Variants in SLC4A4 observed in about 807,000 individuals in gnomAD.
The protein encoded by SLC4A4 is electrogenic sodium bicarbonate cotransporter 1.
SLC4A4 carries 27 observed loss-of-function variants against 111.5 expected under a neutral mutation model. The ratio of observed to expected loss-of-function variants is 0.24; its 90% CI spans 0.18 to 0.33. The LOEUF is 0.33. Ranked by LOEUF, SLC4A4 falls within the 10% of genes least tolerant of loss-of-function variation. The pLI, the probability that SLC4A4 is intolerant of heterozygous loss-of-function variation, is 1.00. For synonymous variants in SLC4A4, 443 were observed against 463.4 expected (o/e 0.96, Z 0.57); for missense variants, 909 against 1,315.5 (o/e 0.69, Z 4.78).
intron 2 of SLC4A4, among the ~76,000 whole-genome samples, chr4:71,244,610 G>A (rs1720495946): frequency 6.6e-6 from 1 of 152,114 alleles, no homozygotes; most frequent in Non-Finnish European, 1.5e-5. Context: ...GGTAATTGTT[G>A]TATGTAATTT....
chr4:71,107,969 T>C (rs1742990741), intron 2 of SLC4A4, among the ~76,000 whole-genome samples: 1 of 152,180 alleles, frequency 6.6e-6, no homozygotes, highest in Non-Finnish European at 1.5e-5. Context: ...GTGGTTACCA[T>C]GGGTGTTACA....
intron 2 of SLC4A4, among the ~76,000 whole-genome samples, chr4:71,254,707 A>T (rs1240375803): frequency 1.3e-5 from 2 of 151,820 alleles, no homozygotes; most frequent in Admixed American, 6.6e-5. Flanking sequence ...TGACTTTTTG[A>T]ACTTTGATAA....
intron 3 of SLC4A4, among the ~76,000 whole-genome samples, chr4:71,324,011 G>A (rs115037474): frequency 0.012 from 1,795 of 151,972 alleles, 19 homozygotes; most frequent in Middle Eastern, 0.027. Flanking sequence ...GCAGATAGAG[G>A]GCATCAACAG....
intron 22 of SLC4A4, among the ~76,000 whole-genome samples, chr4:71,558,346 C>T (rs1430615866): frequency 4.0e-5 from 6 of 151,876 alleles, no homozygotes; most frequent in African/African-American, 1.5e-4. Flanking sequence ...GAGAACTCAT[C>T]CAGTACATTA....
At chr4:71,393,543 T>G (rs1022180098) in intron 6 of SLC4A4, among the ~76,000 whole-genome samples, 1 of 152,118 alleles carries the variant, frequency 6.6e-6, no homozygotes. Flanking sequence ...ACATATCCCA[T>G]GCTCATGGAT....
At chr4:71,225,751 C>T (rs1389048193) in intron 1 of SLC4A4, among the ~76,000 whole-genome samples, 2 of 152,150 alleles carry the variant, frequency 1.3e-5, no homozygotes, top group Non-Finnish European at 2.9e-5. Context: ...AGCCCTGTGT[C>T]CTGGAACAAA....
intron 2 of SLC4A4, among the ~76,000 whole-genome samples, chr4:71,165,524 A>G (rs1045334098): frequency 1.3e-5 from 2 of 152,202 alleles, no homozygotes; most frequent in Admixed American, 6.5e-5. Flanking sequence ...GGACACAGGG[A>G]GGCGAACTTC....
chr4:71,102,587 C>G (rs1383157136), intron 2 of SLC4A4, among the ~76,000 whole-genome samples: 2 of 151,858 alleles, frequency 1.3e-5, no homozygotes, highest in African/African-American at 4.8e-5. Flanking sequence ...AGAAACTCTA[C>G]AAGCCAGAAG....
intron 2 of SLC4A4, among the ~76,000 whole-genome samples, chr4:71,122,486 C>T (rs965342): frequency 0.99 from 149,908 of 152,186 alleles, 73,879 homozygotes; most frequent in East Asian, 1. Context: ...GGTAGAATTC[C>T]ACCACTGAGC....
intron 15 of SLC4A4, among the ~76,000 whole-genome samples, chr4:71,493,421 T>A (rs906938234): frequency 1.3e-5 from 2 of 152,054 alleles, no homozygotes; most frequent in Non-Finnish European, 2.9e-5. Flanking sequence ...ATGTCATATA[T>A]TCCAGACATG....
At chr4:71,497,731 C>T in intron 16 of SLC4A4, 39 bp downstream of exon 16, 1 of 1,509,178 alleles carries the variant, frequency 6.6e-7, no homozygotes, top group African/African-American at 1.4e-5. Context: ...ATTGGATTTA[C>T]ACTGTATCAA....
At chr4:71,296,331 C>A (rs1380456201) in intron 3 of SLC4A4, among the ~76,000 whole-genome samples, 2 of 152,256 alleles carry the variant, frequency 1.3e-5, no homozygotes, top group East Asian at 3.9e-4. Flanking sequence ...TTTAAATGTA[C>A]ATGTAGAAAG....
At chr4:71,109,139 C>CTGTTTT (rs148748595) in intron 2 of SLC4A4, among the ~76,000 whole-genome samples, 4,265 of 152,018 alleles carry the variant, frequency 0.028, 75 homozygotes, top group Middle Eastern at 0.058. Context: ...TCAGGGTTTG[C>CTGTTTT]TGTTTTTGTT....
intron 6 of SLC4A4, among the ~76,000 whole-genome samples, chr4:71,391,331 T>C (rs1350994258): frequency 6.6e-6 from 1 of 152,120 alleles, no homozygotes; most frequent in Non-Finnish European, 1.5e-5. Flanking sequence ...GGGTTCTCTA[T>C]TGGCTCATTA....
At chr4:71,236,876 C>T (rs957505306) in intron 2 of SLC4A4, among the ~76,000 whole-genome samples, 2 of 152,162 alleles carry the variant, frequency 1.3e-5, no homozygotes, top group African/African-American at 4.8e-5. Context: ...TAAAAAAAGT[C>T]TTATTTTAAA....
chr4:71,278,150 G>T (rs1425551149), intron 3 of SLC4A4, among the ~76,000 whole-genome samples: 3 of 151,508 alleles, frequency 2.0e-5, no homozygotes, highest in African/African-American at 7.3e-5. Flanking sequence ...GTTTCTATGG[G>T]TTTGACTTTT....
intron 1 of SLC4A4, among the ~76,000 whole-genome samples, chr4:71,213,551 T>A (rs1002200810): frequency 2.5e-4 from 38 of 152,184 alleles, no homozygotes; most frequent in Non-Finnish European, 5.9e-5. Flanking sequence ...GTCATTATGA[T>A]TGTGCACCTT....
At chr4:71,328,451 G>A (rs1014170599) in intron 3 of SLC4A4, among the ~76,000 whole-genome samples, 7 of 152,032 alleles carry the variant, frequency 4.6e-5, no homozygotes, top group Admixed American at 3.9e-4. Context: ...CAGTGTATGA[G>A]CGTTCCCTTT....
At chr4:71,321,573 C>T (rs968940416) in intron 3 of SLC4A4, among the ~76,000 whole-genome samples, 1 of 151,856 alleles carries the variant, frequency 6.6e-6, no homozygotes, top group East Asian at 1.9e-4. Flanking sequence ...ATTGGCTCAC[C>T]CCCAGTTCTG....
Sources: allele counts gnomAD v4.1 joint callset (sites outside exome capture counted in the v4.1 genomes callset), GRCh38; gene constraint gnomAD v4.1.1; transcripts MANE v1.5; gene names NCBI Gene and HGNC (gene_info 2026-07-23, HGNC 2026-07-21).